SLC30A8: variants seen among roughly 807,000 people sequenced by gnomAD.
SLC30A8 encodes solute carrier family 30 member 8, also known as proton-coupled zinc antiporter SLC30A8.
In SLC30A8, 27 loss-of-function variants were observed where a neutral mutation model predicts 36.9. That is an observed-to-expected ratio of 0.73 (90% CI 0.54 to 1.01). SLC30A8 has a LOEUF of 1.01. Ranked by LOEUF, SLC30A8 falls within the 50% of genes least tolerant of loss-of-function variation. The pLI is 0.00. For synonymous variants in SLC30A8, 164 were observed against 172.4 expected, an observed-to-expected ratio of 0.95 and a Z score of 0.38; for missense variants, 439 against 452.0, an observed-to-expected ratio of 0.97 and a Z score of 0.26.
At chr8:117,012,723 A>G (rs1816385304) in intron 1 of SLC30A8, among the ~76,000 whole-genome samples, 2 of 97,728 alleles carry the variant, frequency 2.0e-5, no homozygotes, top group African/African-American at 4.0e-5. Context: ...AGACATATGT[A>G]TACACACACA....
At chr8:116,983,007 T>C (rs1438621661) in intron 1 of SLC30A8, among the ~76,000 whole-genome samples, 1 of 152,200 alleles carries the variant, frequency 6.6e-6, no homozygotes, top group Non-Finnish European at 1.5e-5. Context: ...TATATCATTA[T>C]TTTTATATTT....
At chr8:117,111,875 A>G (rs1188584888) in intron 2 of SLC30A8, among the ~76,000 whole-genome samples, 1 of 151,224 alleles carries the variant, frequency 6.6e-6, no homozygotes, top group Non-Finnish European at 1.5e-5. Flanking sequence ...CTTCCTCTTT[A>G]TAAATGGACA....
intron 1 of SLC30A8, among the ~76,000 whole-genome samples, chr8:116,965,511 T>TG (rs1402828065): frequency 1.3e-5 from 2 of 152,268 alleles, no homozygotes; most frequent in Non-Finnish European, 2.9e-5. Context: ...GCTAGGTGTC[T>TG]GCTGAGGTTG....
At chr8:117,073,461 T>C (rs1818393468) in intron 2 of SLC30A8, among the ~76,000 whole-genome samples, 1 of 152,150 alleles carries the variant, frequency 6.6e-6, no homozygotes, top group South Asian at 2.1e-4. Context: ...GGTTTCACCA[T>C]GTTGGCCAGG....
intron 1 of SLC30A8, among the ~76,000 whole-genome samples, chr8:116,967,541 G>A (rs1028169775): frequency 4.6e-5 from 7 of 152,064 alleles, no homozygotes; most frequent in African/African-American, 1.7e-4. Context: ...CCCTCAAGTC[G>A]AACTGTATTT....
At chr8:117,079,477 G>T (rs1371487179) in intron 2 of SLC30A8, among the ~76,000 whole-genome samples, 1 of 152,048 alleles carries the variant, frequency 6.6e-6, no homozygotes, top group Non-Finnish European at 1.5e-5. Flanking sequence ...CAGAACTCTA[G>T]CAGTGACGTT....
intron 1 of SLC30A8, among the ~76,000 whole-genome samples, chr8:116,990,671 A>G (rs1815607531): frequency 6.6e-6 from 1 of 152,198 alleles, no homozygotes; most frequent in South Asian, 2.1e-4. Flanking sequence ...TTTGTGGAAA[A>G]CAGGTGAAAT....
intron 1 of SLC30A8, among the ~76,000 whole-genome samples, chr8:117,137,452 C>G (rs1821414926): frequency 6.6e-6 from 1 of 151,946 alleles, no homozygotes; most frequent in Non-Finnish European, 1.5e-5. Context: ...GGCTGTGCAA[C>G]AAACTACCCC....
At chr8:117,126,534 T>C (rs995335206) in intron 2 of SLC30A8, among the ~76,000 whole-genome samples, 2 of 149,776 alleles carry the variant, frequency 1.3e-5, no homozygotes, top group Non-Finnish European at 2.9e-5. Context: ...ATTCCATCCA[T>C]CATCCACCAA....
At chr8:117,033,075 G>T (rs1231736631) in intron 1 of SLC30A8, among the ~76,000 whole-genome samples, 1 of 152,144 alleles carries the variant, frequency 6.6e-6, no homozygotes, top group Admixed American at 6.6e-5. Context: ...AAGTAATTTG[G>T]TCCAGACTCT....
At chr8:117,114,650 A>G (rs1275381149) in intron 2 of SLC30A8, among the ~76,000 whole-genome samples, 1 of 152,090 alleles carries the variant, frequency 6.6e-6, no homozygotes, top group Non-Finnish European at 1.5e-5. Flanking sequence ...GATTCAGCAG[A>G]TTCTCATCTA....
intron 2 of SLC30A8, among the ~76,000 whole-genome samples, chr8:117,118,340 C>T (rs1249823038): frequency 6.6e-6 from 1 of 151,914 alleles, no homozygotes; most frequent in Non-Finnish European, 1.5e-5. Flanking sequence ...CAACTCAAAA[C>T]ACCTTTTCAC....
intron 1 of SLC30A8, among the ~76,000 whole-genome samples, chr8:116,985,247 C>A (rs1815401026): frequency 6.6e-6 from 1 of 150,766 alleles, no homozygotes; most frequent in African/African-American, 2.4e-5. Flanking sequence ...GTATCTCTTT[C>A]TAGAATTTCT....
At chr8:116,988,505 T>A (rs554839623) in intron 1 of SLC30A8, among the ~76,000 whole-genome samples, 29 of 152,202 alleles carry the variant, frequency 1.9e-4, no homozygotes, top group Non-Finnish European at 4.0e-4. Context: ...TTGGCCCCGT[T>A]CACATAATTA....
At chr8:117,039,653 A>T (rs1353139077) in intron 2 of SLC30A8, among the ~76,000 whole-genome samples, 1 of 152,188 alleles carries the variant, frequency 6.6e-6, no homozygotes, top group African/African-American at 2.4e-5. Context: ...GGCCTTCACA[A>T]TATTGTCTAT....
intron 2 of SLC30A8, chr8:117,129,993 A>G (rs1270665946): frequency 1.3e-5 from 2 of 151,974 alleles, no homozygotes; most frequent in South Asian, 2.1e-4. Flanking sequence ...TAGGGTTGCA[A>G]AAGGTGATAA....
At chr8:117,133,713 G>A (rs1208201640), upstream of SLC30A8, among the ~76,000 whole-genome samples, 1 of 151,970 alleles carries the variant, frequency 6.6e-6, no homozygotes, top group African/African-American at 2.4e-5. Flanking sequence ...TCACACAGGT[G>A]GATTAGTAAT....
At chr8:117,096,079 C>T (rs1819349195) in intron 2 of SLC30A8, among the ~76,000 whole-genome samples, 1 of 152,084 alleles carries the variant, frequency 6.6e-6, no homozygotes, top group South Asian at 2.1e-4. Flanking sequence ...GCTCTTGTGG[C>T]CGTAGTTCTG....
At chr8:117,094,349 AGAG>A (rs1477235398) in intron 2 of SLC30A8, among the ~76,000 whole-genome samples, 1 of 152,158 alleles carries the variant, frequency 6.6e-6, no homozygotes, top group Non-Finnish European at 1.5e-5. Context: ...GCAGCAGCTC[AGAG>A]GAGAACAGCT....
Sources: allele counts gnomAD v4.1 joint callset (sites outside exome capture counted in the v4.1 genomes callset), GRCh38; gene constraint gnomAD v4.1.1; transcripts MANE v1.5; gene names NCBI Gene and HGNC (gene_info 2026-07-23, HGNC 2026-07-21).